The following AGPAT3 variants were observed in gnomAD, a reference collection of about 807,000 sequenced individuals.
The protein encoded by AGPAT3 is 1-acyl-sn-glycerol-3-phosphate acyltransferase gamma.
In AGPAT3, 5 loss-of-function variants were observed where a neutral mutation model predicts 47.3. The ratio of observed to expected loss-of-function variants is 0.11; its 90% CI spans 0.06 to 0.22. The LOEUF is 0.22. Among genes scored for constraint, AGPAT3 ranks in the 10% least tolerant of loss-of-function variants. The pLI is 1.00. For missense variants in AGPAT3, 315 were observed against 493.0 expected, an observed-to-expected ratio of 0.64 and a Z score of 3.42; for synonymous variants, 212 against 208.3, an observed-to-expected ratio of 1.02 and a Z score of -0.15.
At chr21:43,947,851 G>C (rs1212883377) in intron 2 of AGPAT3, among the ~76,000 whole-genome samples, 1 of 152,056 alleles carries the variant, frequency 6.6e-6, no homozygotes, top group African/African-American at 2.4e-5. Flanking sequence ...CACCATGTTG[G>C]TGAGACCATC....
rs922479170 is a variant in AGPAT3 at position 43,876,676 on chromosome 21, A to G, written c.-112+11331A>G. Among the ~76,000 whole-genome samples the G allele has an allele frequency of 1.3e-5, 2 of 152,204 alleles. 1 individual carries two copies. The highest frequency in any genetic ancestry group is 1.3e-4 in the Admixed American group (2 of 15,282). On this transcript the variant is annotated intron_variant, in intron 1 of 9. Coordinates refer to ENST00000291572, the MANE Select transcript of AGPAT3 (RefSeq NM_020132.5). ...TAATGAACAGTAGAAGGAATGTCAC[A>G]GATTAGATATACCAAAATGACCAGG...
At chr21:43,897,306 G>A (rs1342248229) in intron 1 of AGPAT3, among the ~76,000 whole-genome samples, 1 of 152,142 alleles carries the variant, frequency 6.6e-6, no homozygotes. Context: ...TCCCAAGGCA[G>A]AAGAATTTTT....
At chr21:43,869,998 C>T (rs917523228) in intron 1 of AGPAT3, among the ~76,000 whole-genome samples, 5 of 152,344 alleles carry the variant, frequency 3.3e-5, no homozygotes, top group Middle Eastern at 3.4e-3. Context: ...TGCCACCACA[C>T]GTGGCTAAGT....
chr21:43,894,510 A>G (rs914274732), intron 1 of AGPAT3, among the ~76,000 whole-genome samples: 1 of 152,102 alleles, frequency 6.6e-6, no homozygotes, highest in Non-Finnish European at 1.5e-5. Flanking sequence ...GTAAAGGTCA[A>G]TTTGGTATAA....
intron 1 of AGPAT3, among the ~76,000 whole-genome samples, chr21:43,888,475 G>A (rs954789408): frequency 9.2e-5 from 14 of 152,292 alleles, no homozygotes; most frequent in Admixed American, 4.6e-4. Context: ...GCAAACCACC[G>A]TGGCACACGT....
intron 1 of AGPAT3, among the ~76,000 whole-genome samples, chr21:43,889,425 C>T (rs1451230209): frequency 6.6e-6 from 1 of 152,014 alleles, no homozygotes; most frequent in East Asian, 1.9e-4. Context: ...TGGCTTTCCC[C>T]TTTTGATTTG....
In AGPAT3 at chr21:43,920,969, C is replaced by T. The variant is rs535938430; in HGVS notation, c.-49+16950C>T. ...TCTACTAAAAATACAAAAACTTAGCCGGGCGTGGTGGCGGGCACCTGTAGT... is the reference window on the plus strand; with the variant it reads ...TCTACTAAAAATACAAAAACTTAGCTGGGCGTGGTGGCGGGCACCTGTAGT... On this transcript the variant is annotated intron_variant, in intron 2 of 9. Coordinates refer to ENST00000291572, the MANE Select transcript of AGPAT3 (RefSeq NM_020132.5). This position sits in a 1 kb window ranked among gnomAD's most constrained non-coding sequence, Gnocchi z 6.1. 2.6e-5 allele frequency among the ~76,000 whole-genome samples: 4 copies of T among 152,122 alleles called. No individual in the cohort carries two copies. Among genetic ancestry groups the T allele is most frequent in the Non-Finnish European group, 5.9e-5 (4 of 68,016 alleles).
rs554626805 is a variant in AGPAT3, at chr21:43,934,447, G to A, written c.-48-25187G>A. ...CTGGCCTGCGTGGCAGCGCAACCTC[G>A]TTGGTAGAGTCAGGAGGCTGGGCCT... On this transcript the variant is annotated intron_variant, in intron 2 of 9. Coordinates refer to ENST00000291572, the MANE Select transcript of AGPAT3 (RefSeq NM_020132.5). The surrounding 1 kb of genome is among the most constrained non-coding windows in gnomAD (Gnocchi z 4.7). Among the ~76,000 whole-genome samples, 3 of 152,380 alleles carry A rather than the reference G, an allele frequency of 2.0e-5. No homozygotes were observed. Among genetic ancestry groups the A allele is most frequent in the South Asian group, 2.1e-4 (1 of 4,830 alleles).
intron 7 of AGPAT3, among the ~76,000 whole-genome samples, chr21:43,973,756 G>A (rs2089492648): frequency 6.6e-6 from 1 of 152,218 alleles, no homozygotes; most frequent in African/African-American, 2.4e-5. Flanking sequence ...GCTCCCCACA[G>A]CATGGGGCTG....
At chr21:43,883,330 G>C (rs757626192) in intron 1 of AGPAT3, among the ~76,000 whole-genome samples, 2 of 152,254 alleles carry the variant, frequency 1.3e-5, no homozygotes, top group Non-Finnish European at 2.9e-5. Flanking sequence ...CCCAGGGAGA[G>C]GGCCTGTCCT....
intron 6 of AGPAT3, 56 bp from the exon 7 acceptor site, chr21:43,971,332 C>T: frequency 6.6e-7 from 1 of 1,516,020 alleles, no homozygotes; most frequent in Non-Finnish European, 9.2e-7. Context: ...TTCCCTCTGG[C>T]AGTGACCATG....
chr21:43,913,507 G>T (rs1042393355), intron 2 of AGPAT3, among the ~76,000 whole-genome samples: 1 of 152,116 alleles, frequency 6.6e-6, no homozygotes, highest in South Asian at 2.1e-4. Flanking sequence ...GATCACCTGA[G>T]CCCCAAAGGT....
chr21:43,867,945 T>A (rs2085544885), intron 1 of AGPAT3, among the ~76,000 whole-genome samples: 1 of 152,256 alleles, frequency 6.6e-6, no homozygotes, highest in Admixed American at 6.5e-5. Context: ...GAGGCGTCTG[T>A]CCTTCCTAAA....
chr21:43,900,162 C>T (rs963584086), intron 1 of AGPAT3, among the ~76,000 whole-genome samples: 3 of 152,192 alleles, frequency 2.0e-5, no homozygotes, highest in African/African-American at 7.2e-5. Flanking sequence ...GTCAGGCCCT[C>T]TGCAGCTGAG....
chr21:43,895,468 A>G (rs147815865), intron 1 of AGPAT3, among the ~76,000 whole-genome samples: 467 of 147,936 alleles, frequency 3.2e-3, no homozygotes, highest in Non-Finnish European at 5.3e-3. Flanking sequence ...CACTCCCCTT[A>G]GGAACTGTTT....
intron 7 of AGPAT3, among the ~76,000 whole-genome samples, chr21:43,973,439 G>T (rs373713713): frequency 6.4e-4 from 98 of 152,332 alleles, no homozygotes; most frequent in African/African-American, 2.3e-3. Flanking sequence ...TCTCATCCTT[G>T]GGTGGTTAGT....
rs751291366 is a variant in AGPAT3 at position 43,894,607 on chromosome 21, C to T, written c.-111-9350C>T. 6.3e-4 allele frequency among the ~76,000 whole-genome samples: 96 copies of T among 152,228 alleles called. 1 individual carries two copies. The highest frequency in any genetic ancestry group is 3.4e-3 in the Middle Eastern group (1 of 294). ...TCTCTGCTATCTATTTTGAAATATA[C>T]GATAGATTATTGTAAACTGTAGTCA... is the stretch of plus-strand genomic sequence containing the variant. On this transcript the variant is annotated intron_variant, in intron 1 of 9. Transcript: ENST00000291572.
At chr21:43,926,978 CAAAAAAAAAA>C (rs905520861) in intron 2 of AGPAT3, among the ~76,000 whole-genome samples, 1 of 54,496 alleles carries the variant, frequency 1.8e-5, no homozygotes, top group Non-Finnish European at 3.9e-5. Context: ...GACTCTGTCT[CAAAAAAAAAA>C]AAAAAAAAAA....
intron 2 of AGPAT3, among the ~76,000 whole-genome samples, chr21:43,949,639 C>T (rs927274937): frequency 6.6e-6 from 1 of 152,216 alleles, no homozygotes; most frequent in Non-Finnish European, 1.5e-5. Flanking sequence ...TTACTAAGGG[C>T]ATGTGTTCAG....
Sources: gnomAD v4.1 joint callset for allele counts (sites outside exome capture counted in the v4.1 genomes callset) on GRCh38, gnomAD v4.1.1 for gene constraint, Gnocchi (gnomAD v3.1) non-coding constraint, MANE v1.5 for transcripts, NCBI Gene and HGNC (gene_info 2026-07-23, HGNC 2026-07-21) for gene names.